The following CDC42BPA variants were observed in gnomAD, a reference collection of about 807,000 sequenced individuals.
CDC42BPA encodes the protein serine/threonine-protein kinase MRCK alpha.
In CDC42BPA, 80 loss-of-function variants were observed where a neutral mutation model predicts 223.5. That is an observed-to-expected ratio of 0.36 (90% CI 0.30 to 0.43). The LOEUF (loss-of-function observed/expected upper bound fraction) is 0.43. CDC42BPA is among the 20% of genes least tolerant of loss of function. The pLI, the probability that CDC42BPA is intolerant of heterozygous loss-of-function variation, is 1.00. For missense variants in CDC42BPA, 1,743 were observed against 2,099.9 expected (o/e 0.83, Z 3.32); for synonymous variants, 694 against 718.6 (o/e 0.97, Z 0.55).
Position 227,135,629 on chromosome 1 carries a change from C to T in CDC42BPA, c.1390+3947G>A, listed in dbSNP as rs556155268. ...CAGCACTTAGGGAGGCTGAGACGGG[C>T]GGATCACGAGGTCAGGAGATCGAGA... On this transcript the variant is annotated intron_variant, in intron 10 of 36. Coordinates refer to ENST00000366766, the MANE Select transcript of CDC42BPA (RefSeq NM_001394014.1). Among the ~76,000 whole-genome samples, 195 of 151,896 alleles carry T rather than the reference C, an allele frequency of 1.3e-3. 2 individuals carry two copies. The highest frequency in any genetic ancestry group is 1.5e-3 in the Non-Finnish European group (104 of 67,926).
intron 1 of CDC42BPA, among the ~76,000 whole-genome samples, chr1:227,300,919 T>C (rs1018995097): frequency 3.3e-5 from 5 of 152,346 alleles, no homozygotes; most frequent in Non-Finnish European, 7.3e-5. Context: ...AAAGCTACCT[T>C]TGCAGTTGTA....
chr1:227,109,195 G>A (rs867748560), intron 14 of CDC42BPA, among the ~76,000 whole-genome samples: 4 of 152,030 alleles, frequency 2.6e-5, no homozygotes, highest in African/African-American at 7.2e-5. Flanking sequence ...GTACACTACT[G>A]GAGACCTGAT....
At position 227,037,522 on chromosome 1, in the gene CDC42BPA, ATGCAC is replaced by A. The variant is rs1257375656; in HGVS notation, c.3200-1920_3200-1916del. ...TAGCTGTGAGAACTAACCAAACAGAATGCACTGCCTTAAGATGTTATTAATTTCCC... is the reference window on the plus strand; with the variant it reads ...TAGCTGTGAGAACTAACCAAACAGAATGCCTTAAGATGTTATTAATTTCCC... On this transcript the variant is annotated intron_variant, in intron 24 of 36. Transcript: ENST00000366766. 4.6e-5 allele frequency among the ~76,000 whole-genome samples: 7 copies of A among 152,344 alleles called. No homozygotes were observed. The East Asian group carries it at 7.7e-4, about 17-fold the overall frequency.
chr1:227,264,644 T>C, intron 1 of CDC42BPA: 1 of 537,002 alleles, frequency 1.9e-6, no homozygotes, highest in Non-Finnish European at 3.4e-6. Context: ...TAATTAATGT[T>C]GCCCTAAGTT....
intron 15 of CDC42BPA, among the ~76,000 whole-genome samples, chr1:227,096,465 C>G (rs540971347): frequency 6.3e-4 from 96 of 152,286 alleles, no homozygotes; most frequent in Admixed American, 6.3e-3. Flanking sequence ...GATTCTGTAA[C>G]TACTTTTTCA....
chr1:227,017,521 A>G (rs963704791), intron 32 of CDC42BPA, among the ~76,000 whole-genome samples: 1 of 152,210 alleles, frequency 6.6e-6, no homozygotes, highest in East Asian at 1.9e-4. Context: ...ATCTTTACAT[A>G]ATAAAAAAAT....
At chr1:227,130,641 G>A (rs1656891243) in intron 10 of CDC42BPA, among the ~76,000 whole-genome samples, 1 of 152,142 alleles carries the variant, frequency 6.6e-6, no homozygotes, top group Admixed American at 6.5e-5. Context: ...AATCACCTGA[G>A]GTTGGGAGTT....
At chr1:227,184,483 A>T (rs1668442778) in intron 5 of CDC42BPA, among the ~76,000 whole-genome samples, 1 of 152,054 alleles carries the variant, frequency 6.6e-6, no homozygotes, top group Non-Finnish European at 1.5e-5. Flanking sequence ...TACCTCTGTT[A>T]GCCTACATCT....
chr1:227,088,171 A>G (rs1682353977), intron 16 of CDC42BPA, among the ~76,000 whole-genome samples: 1 of 152,234 alleles, frequency 6.6e-6, no homozygotes, highest in African/African-American at 2.4e-5. Context: ...TTGGGAAAGT[A>G]GTTTAACCCT....
intron 16 of CDC42BPA, among the ~76,000 whole-genome samples, chr1:227,087,417 G>A (rs1209586669): frequency 2.0e-5 from 3 of 152,124 alleles, no homozygotes; most frequent in African/African-American, 7.2e-5. Flanking sequence ...AGTACTACAT[G>A]TTTTTGATTA....
chr1:227,085,699 G>A (rs555736441), intron 16 of CDC42BPA, among the ~76,000 whole-genome samples: 13 of 152,308 alleles, frequency 8.5e-5, no homozygotes. Flanking sequence ...AAAAGGAAAT[G>A]AGATCCAGGG....
chr1:227,246,800 A>G (rs190891721), intron 2 of CDC42BPA, among the ~76,000 whole-genome samples: 9 of 152,342 alleles, frequency 5.9e-5, no homozygotes, highest in African/African-American at 1.9e-4. Context: ...ATCTAAAAGC[A>G]TCAACACTAT....
intron 14 of CDC42BPA, among the ~76,000 whole-genome samples, chr1:227,102,761 C>T (rs906783678): frequency 1.6e-4 from 24 of 151,790 alleles, no homozygotes; most frequent in African/African-American, 5.3e-4. Context: ...TTGCAGACAC[C>T]GAAGATAATT....
rs1027988057 is a variant in CDC42BPA at position 227,129,312 on chromosome 1, G to T, written c.1391-81C>A. 73 of 1,023,136 alleles carry T rather than the reference G, an allele frequency of 7.1e-5. No homozygotes were observed. The South Asian group carries it at 9.7e-4, about 14-fold the overall frequency. 63.4% of individuals were successfully genotyped at this position (1,023,136 alleles called of 1,614,324 possible). ...ACTAATAACATTATTTTTTTGGAGA[G>T]AAATTCTTATACAATTTTATAGAAC... On this transcript the variant is annotated intron_variant, in intron 10 of 36. Transcript: ENST00000366766.
At chr1:227,028,183 A>G (rs1668621995) in intron 30 of CDC42BPA, among the ~76,000 whole-genome samples, 1 of 152,154 alleles carries the variant, frequency 6.6e-6, no homozygotes, top group Non-Finnish European at 1.5e-5. Context: ...GGGGTAAAAT[A>G]AGCAATTATA....
intron 27 of CDC42BPA, among the ~76,000 whole-genome samples, chr1:227,032,543 T>G (rs1318869827): frequency 6.6e-6 from 1 of 151,994 alleles, no homozygotes; most frequent in Non-Finnish European, 1.5e-5. Context: ...GGAATTCCAT[T>G]CTTCTCATCA....
Position 227,129,623 on chromosome 1 carries a change from T to C in CDC42BPA, c.1391-392A>G, listed in dbSNP as rs1385259633. ...TTGAGGTGGTAGTGAGCCTTGATCA[T>C]GGCACTGTACTCCATCCTGGGAGAC... On this transcript the variant is annotated intron_variant, in intron 10 of 36. Transcript: ENST00000366766. 2.4e-5 allele frequency among the ~76,000 whole-genome samples: 3 copies of C among 123,224 alleles called. No individual in the cohort carries two copies. In the Admixed American group the frequency reaches 3.2e-4, roughly 13 times the overall value. The allele number at this position is 123,224 out of a possible 152,430, so 80.8% of individuals were successfully genotyped here.
chr1:227,236,879 C>CA (rs1299821841), intron 2 of CDC42BPA, among the ~76,000 whole-genome samples: 2 of 151,868 alleles, frequency 1.3e-5, no homozygotes, highest in Non-Finnish European at 1.5e-5. Flanking sequence ...TCCACCTCTA[C>CA]AAAAAATACA....
At chr1:227,015,939 T>C in intron 34 of CDC42BPA, 141 bp downstream of exon 34, 1 of 614,456 alleles carries the variant, frequency 1.6e-6, no homozygotes, top group Admixed American at 2.7e-5. Flanking sequence ...TCATGTATCT[T>C]AGACATATTG....
Sources: gnomAD v4.1 joint callset for allele counts (sites outside exome capture counted in the v4.1 genomes callset) on GRCh38, gnomAD v4.1.1 for gene constraint, MANE v1.5 for transcripts, NCBI Gene and HGNC (gene_info 2026-07-23, HGNC 2026-07-21) for gene names.